The following ZDHHC17 variants were observed in gnomAD, a reference collection of about 807,000 sequenced individuals.
ZDHHC17 encodes the protein palmitoyltransferase ZDHHC17.
Under a neutral mutation model 90.3 loss-of-function variants are expected in ZDHHC17, and 40 were observed. The observed-to-expected ratio is 0.44, with a 90% CI of 0.34 to 0.58. The LOEUF (loss-of-function observed/expected upper bound fraction) is 0.58, where lower values mean the gene tolerates loss of function less well. Among genes scored for constraint, ZDHHC17 ranks in the 20% least tolerant of loss-of-function variants. ZDHHC17 has a pLI of 0.01. For missense variants in ZDHHC17, 614 were observed against 780.8 expected, an observed-to-expected ratio of 0.79 and a Z score of 2.55; for synonymous variants, 235 against 252.4, an observed-to-expected ratio of 0.93 and a Z score of 0.65.
chr12:76,791,428 T>C (rs1021222310), intron 1 of ZDHHC17, among the ~76,000 whole-genome samples: 18 of 152,184 alleles, frequency 1.2e-4, no homozygotes, highest in Non-Finnish European at 2.5e-4. Flanking sequence ...AATGCCTTTA[T>C]TTTGCAAATG....
Position 76,788,688 on chromosome 12 carries a change from A to ATATTTTTTTTTTTTTTTTT in ZDHHC17, c.94-8745_94-8744insATTTTTTTTTTTTTTTTTT, listed in dbSNP as rs61663401. On this transcript the variant is annotated intron_variant, in intron 1 of 16. Coordinates refer to ENST00000426126, the MANE Select transcript of ZDHHC17 (RefSeq NM_015336.4). ...AAAATATATTTAAGTTGGAATCGCA[A>ATATTTTTTTTTTTTTTTTT]TTTTTTTTTTTTTTTTTTTTTTTTT... Among the ~76,000 whole-genome samples, 646 of 98,624 alleles carry ATATTTTTTTTTTTTTTTTT rather than the reference A, an allele frequency of 6.6e-3. 164 individuals carry two copies. The highest frequency in any genetic ancestry group is 0.014 in the East Asian group (38 of 2,742). The allele number at this position is 98,624 out of a possible 152,430, so 64.7% of individuals were successfully genotyped here.
At chr12:76,832,189 G>A (rs1372917597) in intron 10 of ZDHHC17, among the ~76,000 whole-genome samples, 4 of 152,174 alleles carry the variant, frequency 2.6e-5, no homozygotes, top group Admixed American at 2.0e-4. Flanking sequence ...GGTTATAATG[G>A]AGGCACAAAG....
chr12:76,807,968 A>G (rs960901106), intron 3 of ZDHHC17, among the ~76,000 whole-genome samples: 1 of 152,228 alleles, frequency 6.6e-6, no homozygotes, highest in Non-Finnish European at 1.5e-5. Context: ...TGTTTGCGTT[A>G]TTAATAGTTT....
intron 1 of ZDHHC17, among the ~76,000 whole-genome samples, chr12:76,774,570 T>C (rs1301184832): frequency 6.6e-6 from 1 of 152,216 alleles, no homozygotes; most frequent in East Asian, 1.9e-4. Flanking sequence ...TAAAGATTTG[T>C]TACTGGACCA....
At chr12:76,845,520 T>C in intron 12 of ZDHHC17, 189 bp from the exon 13 acceptor site, 1 of 310,552 alleles carries the variant, frequency 3.2e-6, no homozygotes. Context: ...TCTTTTATTC[T>C]TTGTTTTTGC....
At chr12:76,827,206 T>G (rs1174422262) in intron 9 of ZDHHC17, among the ~76,000 whole-genome samples, 156 bp downstream of exon 9, 3 of 152,168 alleles carry the variant, frequency 2.0e-5, no homozygotes, top group Admixed American at 1.3e-4. Flanking sequence ...TTTTAAACAT[T>G]GTTATGTTAT....
rs1224243325 is a variant in ZDHHC17, at chr12:76,852,841, TA to T, written c.*1861del. The T allele has an allele frequency of 2.6e-5, 4 of 152,630 alleles. No individual in the cohort carries two copies. The highest frequency in any genetic ancestry group is 9.7e-5 in the African/African-American group (4 of 41,446). The allele number at this position is 152,630 out of a possible 1,614,324, so 9.5% of individuals were successfully genotyped here. On this transcript the variant is annotated 3_prime_UTR_variant, in exon 17 of 17. Coordinates refer to ENST00000426126, the MANE Select transcript of ZDHHC17 (RefSeq NM_015336.4). ...CATTGTGCCATTTTGTCATAGAATGTAAAAATTGGTTAACTTTACAAATGTC... is the reference window on the plus strand; with the variant it reads ...CATTGTGCCATTTTGTCATAGAATGTAAAATTGGTTAACTTTACAAATGTC...
chr12:76,781,898 G>C (rs1225190518), intron 1 of ZDHHC17, among the ~76,000 whole-genome samples: 1 of 152,178 alleles, frequency 6.6e-6, no homozygotes, highest in Non-Finnish European at 1.5e-5. Flanking sequence ...GTGTGATAGG[G>C]TAAGTACTGT....
intron 1 of ZDHHC17, among the ~76,000 whole-genome samples, chr12:76,769,985 G>A (rs1295159622): frequency 6.6e-6 from 1 of 152,182 alleles, no homozygotes; most frequent in Non-Finnish European, 1.5e-5. Context: ...GGATATAAGA[G>A]TATATAGGTT....
intron 10 of ZDHHC17, among the ~76,000 whole-genome samples, chr12:76,833,266 A>G (rs1953326432): frequency 1.3e-5 from 2 of 152,148 alleles, no homozygotes; most frequent in African/African-American, 4.8e-5. Flanking sequence ...AAAAAACTAT[A>G]CAAATCTTAA....
chr12:76,848,453 A>G, intron 15 of ZDHHC17, 63 bp downstream of exon 15: 2 of 1,515,520 alleles, frequency 1.3e-6, no homozygotes, highest in Non-Finnish European at 1.8e-6. Flanking sequence ...TGCATAAAAG[A>G]TAATAATATA....
chr12:76,848,372 CAT>C lies in ZDHHC17; in HGVS notation c.1648_1649del (p.Met550ValfsTer15). ...FHFMWVAVLL[M>X]CQMYQISCLG... ...ACTTCATGTGGGTGGCTGTATTACT[CAT>C]GTGTCAGATGTACCAGGTATGTGCA... On this transcript the variant is annotated frameshift_variant, in exon 15 of 17. Transcript: ENST00000426126. LOFTEE classifies it high-confidence loss of function. The C allele has an allele frequency of 6.2e-7, 1 of 1,613,828 alleles. No homozygotes were observed. The highest frequency in any genetic ancestry group is 8.5e-7 in the Non-Finnish European group (1 of 1,179,804).
At chr12:76,767,030 A>AG (rs1490381481) in intron 1 of ZDHHC17, among the ~76,000 whole-genome samples, 3 of 151,856 alleles carry the variant, frequency 2.0e-5, no homozygotes, top group African/African-American at 7.2e-5. Context: ...AAAAAAAAAA[A>AG]AAAAGAAAAG....
chr12:76,832,742 A>G (rs1585624), intron 10 of ZDHHC17, among the ~76,000 whole-genome samples: 142,478 of 152,212 alleles, frequency 0.94, 66,770 homozygotes, highest in African/African-American at 0.98. Context: ...CACTGTGCTT[A>G]AGGGCCCTTT....
intron 11 of ZDHHC17, among the ~76,000 whole-genome samples, 159 bp downstream of exon 11, chr12:76,842,265 G>A (rs915359947): frequency 6.6e-6 from 1 of 152,170 alleles, no homozygotes; most frequent in Non-Finnish European, 1.5e-5. Flanking sequence ...CATCCTTGGT[G>A]CTCTTGTGAT....
chr12:76,834,742 G>C (rs1953344017), intron 10 of ZDHHC17, among the ~76,000 whole-genome samples: 1 of 152,142 alleles, frequency 6.6e-6, no homozygotes. Flanking sequence ...GAAGATGGAT[G>C]TGAGGGGAGG....
chr12:76,795,497 G>T (rs563119350), intron 1 of ZDHHC17, among the ~76,000 whole-genome samples: 1 of 152,014 alleles, frequency 6.6e-6, no homozygotes, highest in Admixed American at 6.6e-5. Context: ...GTATCTTACA[G>T]CCATATAGAT....
intron 1 of ZDHHC17, among the ~76,000 whole-genome samples, chr12:76,792,304 A>T (rs1211232620): frequency 6.6e-6 from 1 of 152,228 alleles, no homozygotes; most frequent in East Asian, 1.9e-4. Context: ...ACCTGGGACA[A>T]AGACGGATTA....
chr12:76,809,936 C>T (rs1050703470), intron 5 of ZDHHC17, 79 bp downstream of exon 5: 191 of 1,459,408 alleles, frequency 1.3e-4, no homozygotes, highest in Non-Finnish European at 1.7e-4. Context: ...GGTGTTGTAA[C>T]AAGCCGTTGA....
Sources: gnomAD v4.1 joint callset for allele counts (sites outside exome capture counted in the v4.1 genomes callset) on GRCh38, gnomAD v4.1.1 for gene constraint, MANE v1.5 for transcripts, NCBI Gene and HGNC (gene_info 2026-07-23, HGNC 2026-07-21) for gene names.